Variants in FBXL19 observed in about 807,000 individuals in gnomAD.
FBXL19 encodes the protein F-box and leucine rich repeat protein 19.
FBXL19 carries 16 observed loss-of-function variants against 71.2 expected under a neutral mutation model. That is an observed-to-expected ratio of 0.22 (90% CI 0.15 to 0.34). The LOEUF (loss-of-function observed/expected upper bound fraction) is 0.34. Among genes scored for constraint, FBXL19 ranks in the 10% least tolerant of loss-of-function variants. The probability of loss-of-function intolerance (pLI) is 1.00; values close to 1 mark genes in which losing one functional copy is unlikely to be tolerated. For synonymous variants in FBXL19, 447 were observed against 409.4 expected (o/e 1.09, Z -1.11); for missense variants, 658 against 968.2 (o/e 0.68, Z 4.25).
In FBXL19 at chr16:30,947,254, G is replaced by T; in HGVS notation, c.*24G>T. 8.2e-7 allele frequency: 1 copy of T among 1,226,418 alleles called. No homozygotes were observed. Among genetic ancestry groups the T allele is most frequent in the South Asian group, 1.3e-5 (1 of 76,066 alleles). The allele number at this position is 1,226,418 out of a possible 1,614,324, so 76.0% of individuals were successfully genotyped here. On this transcript the variant is annotated 3_prime_UTR_variant, in exon 11 of 11. Coordinates refer to ENST00000338343, the MANE Select transcript of FBXL19 (RefSeq NM_001382779.1). The stretch of plus-strand genomic sequence containing the variant: ...AGTTGGGCGCCCCCCACCCTCCCCC[G>T]GACTCGACAGGAGCCTGGACCTCCG...
upstream of FBXL19, among the ~76,000 whole-genome samples, chr16:30,923,501 G>T (rs1040894364): frequency 7.1e-6 from 1 of 139,984 alleles, no homozygotes; most frequent in African/African-American, 2.6e-5. Context: ...GTTCCTCTGG[G>T]AGAAGGAGGG....
chr16:30,926,412 G>A (rs1428292407), intron 2 of FBXL19, among the ~76,000 whole-genome samples: 1 of 152,160 alleles, frequency 6.6e-6, no homozygotes, highest in African/African-American at 2.4e-5. Flanking sequence ...TTGCTGAGTT[G>A]TAAAGATTAA....
chr16:30,937,368 TC>T (rs2055750622), intron 7 of FBXL19, among the ~76,000 whole-genome samples: 1 of 151,864 alleles, frequency 6.6e-6, no homozygotes, highest in Non-Finnish European at 1.5e-5. Context: ...TCAGGCATTG[TC>T]CCCCCAGGAG....
chr16:30,924,724 G>T, intron 1 of FBXL19: 1 of 1,499,772 alleles, frequency 6.7e-7, no homozygotes, highest in South Asian at 1.4e-5. Context: ...GGGCCCCTTA[G>T]CCCCATGGAT....
rs1281669167 is a variant in FBXL19, at chr16:30,927,425, G to A, written c.295G>A (p.Glu99Lys). ...CCTCATGGAGTGTACAATCTGCAAC[G>A]AGATCGTCCACCCCGGCTGCCTGAA... The part of the protein sequence containing the change: ...LSLMECTICN[E>K]IVHPGCLKMG... The change falls in exon 3 of 11, where the codon GAG (glutamate) becomes AAG (lysine). Residue 99 changes from glutamate to lysine, a missense_variant. Physicochemically the swap from Glu to Lys is moderately conservative, Grantham distance 56. Around this residue, in one of 8 missense-constraint regions of FBXL19, gnomAD observed 447 missense variants for 515.4 expected, o/e 0.87. Transcript: ENST00000338343. 5 of 1,592,888 alleles carry A rather than the reference G, an allele frequency of 3.1e-6. No individual in the cohort carries two copies. The highest frequency in any genetic ancestry group is 1.1e-5 in the South Asian group (1 of 87,538).
rs2055861483 is a variant in FBXL19, at chr16:30,946,631, C to T, written c.1628-99C>T. 2.5e-6 allele frequency: 3 copies of T among 1,191,164 alleles called. No individual in the cohort carries two copies. The highest frequency in any genetic ancestry group is 2.4e-6 in the Non-Finnish European group (2 of 847,908). The allele number at this position is 1,191,164 out of a possible 1,614,324, so 73.8% of individuals were successfully genotyped here. A position where few individuals can be genotyped will look rare whatever the true frequency, so the allele number is the denominator to read the frequency against. On this transcript the variant is annotated intron_variant, in intron 9 of 10. Coordinates refer to ENST00000338343, the MANE Select transcript of FBXL19 (RefSeq NM_001382779.1). The surrounding 1 kb of genome is among the most constrained non-coding windows in gnomAD (Gnocchi z 6.7). ...GCAAGCCACAGAGTGCACCAGGTCA[C>T]TCACTTATGTGGGAAGCAGGTGGAG... is the stretch of plus-strand genomic sequence containing the variant.
intron 2 of FBXL19, among the ~76,000 whole-genome samples, chr16:30,926,682 C>G (rs1266883977): frequency 6.6e-6 from 1 of 152,066 alleles, no homozygotes; most frequent in Non-Finnish European, 1.5e-5. Flanking sequence ...CTTTATCCCC[C>G]AACCCCTTGC....
Position 30,927,820 on chromosome 16 carries a change from C to T in FBXL19, c.484C>T (p.Leu162=). Residue 162 remains leucine, a synonymous_variant, in exon 5 of 11, where the codon CTG becomes TTG. Transcript: ENST00000338343. ...EGASLGSGWK[L]TEEPPLPPPP... is the part of the protein sequence containing the mutation. The stretch of plus-strand genomic sequence containing the variant: ...CGCCAGCTTGGGGAGCGGATGGAAG[C>T]TGACAGAGGAGCCACCGCTTCCACC... The T allele has an allele frequency of 1.3e-6, 2 of 1,549,600 alleles. No individual in the cohort carries two copies. The highest frequency in any genetic ancestry group is 8.7e-7 in the Non-Finnish European group (1 of 1,147,412).
chr16:30,924,728 C>G, intron 1 of FBXL19: 1 of 1,501,614 alleles, frequency 6.7e-7, no homozygotes, highest in Non-Finnish European at 8.8e-7. Context: ...CCCTTAGCCC[C>G]ATGGATGGGT....
intron 7 of FBXL19, among the ~76,000 whole-genome samples, chr16:30,938,019 T>C (rs1654590512): frequency 6.6e-6 from 1 of 152,114 alleles, no homozygotes; most frequent in South Asian, 2.1e-4. Flanking sequence ...GGGTCGGGCA[T>C]GAGTTGGTTT....
chr16:30,945,001 T>C (rs2055843209), intron 9 of FBXL19, among the ~76,000 whole-genome samples: 1 of 152,192 alleles, frequency 6.6e-6, no homozygotes, highest in South Asian at 2.1e-4. Context: ...AAGGAGTGCC[T>C]AGTGAGGCCA....
chr16:30,933,061 C>T (rs1031451237), intron 7 of FBXL19, among the ~76,000 whole-genome samples: 4 of 151,342 alleles, frequency 2.6e-5, no homozygotes, highest in African/African-American at 4.9e-5. Context: ...AGTGCCTTGG[C>T]GCAATCTCAG....
intron 7 of FBXL19, among the ~76,000 whole-genome samples, chr16:30,936,376 C>A (rs2055732601): frequency 6.6e-6 from 1 of 152,068 alleles, no homozygotes; most frequent in Non-Finnish European, 1.5e-5. Context: ...CCCGCCTCTA[C>A]TACCTACCAC....
intron 7 of FBXL19, among the ~76,000 whole-genome samples, chr16:30,936,074 C>G (rs780576500): frequency 6.6e-6 from 1 of 152,196 alleles, no homozygotes; most frequent in African/African-American, 2.4e-5. Context: ...CCTTCCTTGT[C>G]ACAGCAACCT....
intron 5 of FBXL19, 146 bp downstream of exon 5, chr16:30,928,109 T>TG (rs1004809724): frequency 8.1e-5 from 18 of 222,792 alleles, no homozygotes; most frequent in East Asian, 1.8e-4. Context: ...AGGAGTTGGG[T>TG]GGGGGGAGGA....
chr16:30,934,334 C>T, intron 7 of FBXL19, among the ~76,000 whole-genome samples: 1 of 151,332 alleles, frequency 6.6e-6, no homozygotes. Flanking sequence ...AGCTCTCCAG[C>T]CTGGGCAGGA....
At chr16:30,944,766 C>T (rs941161715) in intron 9 of FBXL19, among the ~76,000 whole-genome samples, 1 of 152,220 alleles carries the variant, frequency 6.6e-6, no homozygotes, top group Non-Finnish European at 1.5e-5. Context: ...ATGGGCCTTT[C>T]CTCCTTGTGC....
chr16:30,939,448 C>G (rs1049657603), intron 7 of FBXL19, among the ~76,000 whole-genome samples: 2 of 147,530 alleles, frequency 1.4e-5, no homozygotes, highest in African/African-American at 5.0e-5. Flanking sequence ...GAGTCTCGCT[C>G]TGTCGCCCAG....
At chr16:30,937,386 C>A (rs940997386) in intron 7 of FBXL19, among the ~76,000 whole-genome samples, 1 of 152,040 alleles carries the variant, frequency 6.6e-6, no homozygotes, top group African/African-American at 2.4e-5. Flanking sequence ...GGAGGCTCCC[C>A]CACCCAGTCC....
Sources: gnomAD v4.1 joint callset for allele counts (sites outside exome capture counted in the v4.1 genomes callset) on GRCh38, gnomAD v4.1.1 for gene constraint, gnomAD v4.1.1 regional missense constraint, Gnocchi (gnomAD v3.1) non-coding constraint, MANE v1.5 for transcripts, NCBI Gene and HGNC (gene_info 2026-07-23, HGNC 2026-07-21) for gene names.